NADK2: variants seen among roughly 807,000 people sequenced by gnomAD.
The protein encoded by NADK2 is NAD kinase 2, mitochondrial.
In NADK2, 35 loss-of-function variants were observed where a neutral mutation model predicts 62.1. The ratio of observed to expected loss-of-function variants is 0.56; its 90% CI spans 0.43 to 0.75. The LOEUF is 0.75. NADK2 is among the 30% of genes least tolerant of loss of function. The pLI is 0.00. For missense variants in NADK2, 439 were observed against 561.3 expected (o/e 0.78, Z 2.20); for synonymous variants, 205 against 207.9 (o/e 0.99, Z 0.12).
chr5:36,238,537 CT>C (rs1747992438), intron 1 of NADK2, among the ~76,000 whole-genome samples: 1 of 152,060 alleles, frequency 6.6e-6, no homozygotes. Flanking sequence ...TAAATAAAAC[CT>C]TTTTTTGACC....
Position 36,211,805 on chromosome 5 carries a change from C to T in NADK2, c.860+39G>A, listed in dbSNP as rs1338375656. The T allele has an allele frequency of 3.3e-6, 5 of 1,531,360 alleles. No individual in the cohort carries two copies. The South Asian group carries it at 4.6e-5, about 14-fold the overall frequency. The allele number at this position is 1,531,360 out of a possible 1,614,324, so 94.9% of individuals were successfully genotyped here. Reference sequence around the variant, plus strand: ...GAATAAATATCCAAAAGCACTAAAACATTAAATTCCATGCTCAAGATCACA... The same window carrying T: ...GAATAAATATCCAAAAGCACTAAAATATTAAATTCCATGCTCAAGATCACA... On this transcript the variant is annotated intron_variant, in intron 7 of 11. Coordinates refer to ENST00000381937, the MANE Select transcript of NADK2 (RefSeq NM_001085411.3).
intron 6 of NADK2, among the ~76,000 whole-genome samples, chr5:36,215,196 T>C (rs1746996931): frequency 6.6e-6 from 1 of 152,220 alleles, no homozygotes; most frequent in Non-Finnish European, 1.5e-5. Flanking sequence ...GTTTGTATTC[T>C]GACAAACCTT....
At chr5:36,234,009 A>G (rs1204136404) in intron 1 of NADK2, among the ~76,000 whole-genome samples, 2 of 152,240 alleles carry the variant, frequency 1.3e-5, no homozygotes, top group Non-Finnish European at 1.5e-5. Flanking sequence ...TCTAATTACA[A>G]TATTTTTTTA....
intron 1 of NADK2, among the ~76,000 whole-genome samples, chr5:36,230,270 T>G (rs1016491270): frequency 1.3e-5 from 2 of 152,218 alleles, no homozygotes; most frequent in African/African-American, 4.8e-5. Flanking sequence ...CACCAAGCTC[T>G]TCCTTTGTAC....
intron 4 of NADK2, among the ~76,000 whole-genome samples, chr5:36,220,335 A>G (rs1034440235): frequency 3.3e-5 from 5 of 152,186 alleles, no homozygotes; most frequent in African/African-American, 1.2e-4. Context: ...AACCATTGCA[A>G]ATTATAAGGT....
intron 7 of NADK2, among the ~76,000 whole-genome samples, chr5:36,208,867 A>G (rs1198626255): frequency 6.6e-6 from 1 of 152,088 alleles, no homozygotes; most frequent in Non-Finnish European, 1.5e-5. Context: ...AATCAGAAAC[A>G]CCGGGTTTAT....
rs1247961453 is a variant in NADK2 at position 36,193,848 on chromosome 5, T to C, written c.*1296A>G. The C allele has an allele frequency of 6.6e-6, 1 of 152,624 alleles. No individual in the cohort carries two copies. The highest frequency in any genetic ancestry group is 2.4e-5 in the African/African-American group (1 of 41,442). 9.5% of individuals were successfully genotyped at this position (152,624 alleles called of 1,614,324 possible). A position where few individuals can be genotyped will look rare whatever the true frequency, so the allele number is the denominator to read the frequency against. Reference sequence around the variant, plus strand: ...TACTTCTGAGCCCACAAGACTCAAATTGTATAAGGATAGAGTCTGTTTCAT... The same window carrying C: ...TACTTCTGAGCCCACAAGACTCAAACTGTATAAGGATAGAGTCTGTTTCAT... On this transcript the variant is annotated 3_prime_UTR_variant, in exon 12 of 12. Coordinates refer to ENST00000381937, the MANE Select transcript of NADK2 (RefSeq NM_001085411.3).
intron 5 of NADK2, 163 bp from the exon 6 acceptor site, chr5:36,218,047 A>C: frequency 1.7e-6 from 1 of 572,764 alleles, no homozygotes; most frequent in East Asian, 2.9e-5. Context: ...TTCCTTATCA[A>C]TGACAGATTT....
chr5:36,198,660 A>C (rs1298102137), intron 10 of NADK2, among the ~76,000 whole-genome samples: 2 of 148,658 alleles, frequency 1.3e-5, no homozygotes, highest in South Asian at 4.2e-4. Flanking sequence ...TATAAATTTC[A>C]GTTATTTTAT....
In NADK2 at chr5:36,192,637, T is replaced by C. The variant is rs1286677540; in HGVS notation, c.*2507A>G. 1 of 152,148 alleles carries C rather than the reference T, an allele frequency of 6.6e-6. No individual in the cohort carries two copies. Among genetic ancestry groups the C allele is most frequent in the African/African-American group, 2.4e-5 (1 of 41,430 alleles). The allele number at this position is 152,148 out of a possible 1,614,324, so 9.4% of individuals were successfully genotyped here. A position where few individuals can be genotyped will look rare whatever the true frequency, so the allele number is the denominator to read the frequency against. On this transcript the variant is annotated 3_prime_UTR_variant, in exon 12 of 12. Coordinates refer to ENST00000381937, the MANE Select transcript of NADK2 (RefSeq NM_001085411.3). ...AATGTACAGGGGCCATGAATGTAAA[T>C]GCACAAGGAGTATCAAAAATATTAA...
At chr5:36,232,416 G>A (rs538012263) in intron 1 of NADK2, among the ~76,000 whole-genome samples, 207 of 152,168 alleles carry the variant, frequency 1.4e-3, no homozygotes, top group Non-Finnish European at 2.4e-3. Context: ...AGTTCAGTAT[G>A]TCAATCCACT....
At chr5:36,230,354 A>AGCT (rs1338997438) in intron 1 of NADK2, among the ~76,000 whole-genome samples, 1 of 152,252 alleles carries the variant, frequency 6.6e-6, no homozygotes, top group East Asian at 1.9e-4. Context: ...CTGCTGAAAC[A>AGCT]GCTGCTGCTA....
rs190786323 is a variant in NADK2 at position 36,212,654 on chromosome 5, A to G, written c.782-732T>C. Among the ~76,000 whole-genome samples, 394 of 152,254 alleles carry G rather than the reference A, an allele frequency of 2.6e-3. 2 individuals carry two copies. Among genetic ancestry groups the G allele is most frequent in the African/African-American group, 9.2e-3 (381 of 41,562 alleles). On this transcript the variant is annotated intron_variant, in intron 6 of 11. Transcript: ENST00000381937. ...TGGAAATGGCAACTCTGTATCCTCA[A>G]TGTCACAACTATCAGATTTATTGGA...
chr5:36,207,318 AAG>A, intron 7 of NADK2, 53 bp from the exon 8 acceptor site: 1 of 1,392,140 alleles, frequency 7.2e-7, no homozygotes, highest in Non-Finnish European at 1.0e-6. Context: ...CAAGGTAAAT[AAG>A]AGAGTCTTCT....
chr5:36,207,379 G>C lies in NADK2; in HGVS notation c.861-114C>G, dbSNP rs1331406069. On this transcript the variant is annotated intron_variant, in intron 7 of 11. Coordinates refer to ENST00000381937, the MANE Select transcript of NADK2 (RefSeq NM_001085411.3). ...AAGTCAGCTTACCCAAGAAATACTTGACTTAGTAGGCACACACATCATGAT... is the reference window on the plus strand; with the variant it reads ...AAGTCAGCTTACCCAAGAAATACTTCACTTAGTAGGCACACACATCATGAT... The C allele has an allele frequency of 4.4e-6, 3 of 679,306 alleles. No individual in the cohort carries two copies. The African/African-American group carries it at 5.5e-5, about 12-fold the overall frequency. 42.1% of individuals were successfully genotyped at this position (679,306 alleles called of 1,614,324 possible). A position where few individuals can be genotyped will look rare whatever the true frequency, so the allele number is the denominator to read the frequency against.
chr5:36,211,967 T>A (rs1336117983), intron 6 of NADK2, 45 bp from the exon 7 acceptor site: 2 of 1,419,464 alleles, frequency 1.4e-6, no homozygotes, highest in Non-Finnish European at 2.0e-6. Flanking sequence ...AGCTCCTTGA[T>A]TTCTAGAAAT....
At chr5:36,195,397 T>G in intron 11 of NADK2, 115 bp from the exon 12 acceptor site, 1 of 1,114,398 alleles carries the variant, frequency 9.0e-7, no homozygotes, top group Non-Finnish European at 1.2e-6. Context: ...CAAGTTGTTC[T>G]CTGGTATGAG....
At chr5:36,236,666 G>A (rs1402357894) in intron 1 of NADK2, among the ~76,000 whole-genome samples, 1 of 152,046 alleles carries the variant, frequency 6.6e-6, no homozygotes, top group Non-Finnish European at 1.5e-5. Flanking sequence ...TTTTTTTAGT[G>A]GAAGTATGGG....
At chr5:36,200,025 T>C (rs1746376755) in intron 10 of NADK2, among the ~76,000 whole-genome samples, 1 of 151,994 alleles carries the variant, frequency 6.6e-6, no homozygotes, top group Non-Finnish European at 1.5e-5. Flanking sequence ...GACTTAAGAG[T>C]TATATTTCAG....
Sources: gnomAD v4.1 joint callset for allele counts (sites outside exome capture counted in the v4.1 genomes callset) on GRCh38, gnomAD v4.1.1 for gene constraint, MANE v1.5 for transcripts, NCBI Gene and HGNC (gene_info 2026-07-23, HGNC 2026-07-21) for gene names.